The following JAZF1 variants were observed in gnomAD, a reference collection of about 807,000 sequenced individuals.
The protein encoded by JAZF1 is juxtaposed with another zinc finger protein 1.
A neutral mutation model predicts 26.4 loss-of-function variants in JAZF1; 8 were observed. That is an observed-to-expected ratio of 0.30 (90% CI 0.18 to 0.55). The LOEUF is 0.55. Ranked by LOEUF, JAZF1 falls within the 20% of genes least tolerant of loss-of-function variation. The probability of loss-of-function intolerance (pLI) is 0.94; values close to 1 mark genes in which losing one functional copy is unlikely to be tolerated. For synonymous variants in JAZF1, 126 were observed against 122.3 expected (o/e 1.03, Z -0.20); for missense variants, 199 against 322.0 (o/e 0.62, Z 2.92).
intron 1 of JAZF1, among the ~76,000 whole-genome samples, chr7:28,041,605 G>C (rs1292191173): frequency 6.6e-6 from 1 of 152,040 alleles, no homozygotes; most frequent in Non-Finnish European, 1.5e-5. Flanking sequence ...CAGCCTAAGG[G>C]CAAGACCTAC....
intron 3 of JAZF1, among the ~76,000 whole-genome samples, chr7:27,891,244 T>A (rs538407523): frequency 1.7e-3 from 254 of 152,330 alleles, no homozygotes; most frequent in Middle Eastern, 3.4e-3. Context: ...CCTGTTTTTG[T>A]ACATAAAGTT....
At chr7:27,949,396 T>C (rs1238348271) in intron 2 of JAZF1, among the ~76,000 whole-genome samples, 1 of 152,212 alleles carries the variant, frequency 6.6e-6, no homozygotes, top group East Asian at 1.9e-4. Flanking sequence ...TGTCAGCCTT[T>C]AGAGTGCATG....
At chr7:27,863,812 G>C (rs904222158) in intron 3 of JAZF1, 2 of 152,230 alleles carry the variant, frequency 1.3e-5, no homozygotes, top group African/African-American at 4.8e-5. Flanking sequence ...AAGGGAGGAA[G>C]GCATAGCGAA....
At chr7:27,915,443 G>A (rs1736578200) in intron 2 of JAZF1, among the ~76,000 whole-genome samples, 1 of 152,142 alleles carries the variant, frequency 6.6e-6, no homozygotes. Context: ...ATGGGTTATT[G>A]CCTAATTAAT....
chr7:28,031,306 T>C (rs548524517), intron 1 of JAZF1, among the ~76,000 whole-genome samples: 150 of 152,338 alleles, frequency 9.8e-4, no homozygotes, highest in African/African-American at 3.5e-3. Flanking sequence ...TGGCCATTTC[T>C]GCCTGTGTGT....
intron 2 of JAZF1, among the ~76,000 whole-genome samples, chr7:27,925,818 CCCCT>C (rs1265505914): frequency 6.6e-6 from 1 of 152,170 alleles, no homozygotes; most frequent in African/African-American, 2.4e-5. Flanking sequence ...ATCATGGCAG[CCCCT>C]CCTACAACTA....
chr7:28,107,457 A>G (rs112920903), intron 1 of JAZF1, among the ~76,000 whole-genome samples: 22 of 152,144 alleles, frequency 1.4e-4, no homozygotes, highest in Non-Finnish European at 3.1e-4. Context: ...TTCTCCCTCC[A>G]AATTGATGAA....
chr7:28,110,509 G>GA (rs1554289022), intron 1 of JAZF1, among the ~76,000 whole-genome samples: 1,351 of 60,428 alleles, frequency 0.022, 38 homozygotes, highest in Middle Eastern at 0.042. Context: ...AAAGGAAAAG[G>GA]AAAGGAAAAG....
intron 1 of JAZF1, among the ~76,000 whole-genome samples, chr7:28,171,462 C>T (rs567779119): frequency 2.0e-5 from 3 of 152,126 alleles, no homozygotes; most frequent in Admixed American, 6.5e-5. Flanking sequence ...TCTGAAAACA[C>T]GTCTTGGGGA....
chr7:27,907,280 T>C (rs1031240998), intron 2 of JAZF1, among the ~76,000 whole-genome samples: 4 of 152,222 alleles, frequency 2.6e-5, no homozygotes, highest in African/African-American at 9.6e-5. Flanking sequence ...GATAAATGCA[T>C]GAAAAGCCCT....
chr7:27,849,139 G>A (rs764119163), intron 3 of JAZF1, among the ~76,000 whole-genome samples: 4 of 152,248 alleles, frequency 2.6e-5, no homozygotes, highest in Admixed American at 6.5e-5. Flanking sequence ...TCCCCTGTGT[G>A]ACGGGGAGAA....
chr7:27,960,496 T>A (rs1278879960), intron 2 of JAZF1, among the ~76,000 whole-genome samples: 1 of 152,198 alleles, frequency 6.6e-6, no homozygotes, highest in African/African-American at 2.4e-5. Context: ...TCTAACAATG[T>A]CTGACAGTCT....
chr7:27,991,874 T>G, intron 2 of JAZF1, 35 bp downstream of exon 2: 2 of 1,093,190 alleles, frequency 1.8e-6, no homozygotes, highest in Non-Finnish European at 2.8e-6. Context: ...GCAGCAGATA[T>G]AAGGTTGTTA....
intron 2 of JAZF1, chr7:27,914,604 A>G: frequency 2.7e-6 from 1 of 374,840 alleles, no homozygotes; most frequent in South Asian, 2.0e-5. Flanking sequence ...ATCCCTTACT[A>G]AAAATGGAAA....
chr7:28,176,301 C>T (rs1479328555), intron 1 of JAZF1, among the ~76,000 whole-genome samples: 2 of 152,234 alleles, frequency 1.3e-5, no homozygotes, highest in Non-Finnish European at 2.9e-5. Flanking sequence ...GGTACGATCA[C>T]ATGAATAACT....
chr7:27,912,015 C>G (rs192497419), intron 2 of JAZF1, among the ~76,000 whole-genome samples: 423 of 152,258 alleles, frequency 2.8e-3, no homozygotes, highest in African/African-American at 0.01. Context: ...AAGACGTCCT[C>G]TCAAAGGCAT....
chr7:28,030,449 T>C (rs1217411401), intron 1 of JAZF1, among the ~76,000 whole-genome samples: 2 of 152,328 alleles, frequency 1.3e-5, no homozygotes, highest in African/African-American at 4.8e-5. Flanking sequence ...ACTACCTTCT[T>C]GAGAAAAGCA....
At chr7:27,950,479 A>G (rs535867472) in intron 2 of JAZF1, among the ~76,000 whole-genome samples, 4 of 152,286 alleles carry the variant, frequency 2.6e-5, no homozygotes, top group South Asian at 4.1e-4. Flanking sequence ...AAGACTACCA[A>G]TGAAAAGCCA....
At chr7:28,068,962 T>C (rs1783927955) in intron 1 of JAZF1, among the ~76,000 whole-genome samples, 1 of 152,174 alleles carries the variant, frequency 6.6e-6, no homozygotes, top group Non-Finnish European at 1.5e-5. Flanking sequence ...TGACTGAATG[T>C]TGTACAAAAT....
Sources: gnomAD v4.1 joint callset for allele counts (sites outside exome capture counted in the v4.1 genomes callset) on GRCh38, gnomAD v4.1.1 for gene constraint, MANE v1.5 for transcripts, NCBI Gene and HGNC (gene_info 2026-07-23, HGNC 2026-07-21) for gene names.